GRM7: variants seen among roughly 807,000 people sequenced by gnomAD.
GRM7 encodes the protein metabotropic glutamate receptor 7.
Under a neutral mutation model 84.5 loss-of-function variants are expected in GRM7, and 35 were observed. The observed-to-expected ratio is 0.41, with a 90% confidence interval of 0.32 to 0.55. GRM7 has a LOEUF of 0.55. Among genes scored for constraint, GRM7 ranks in the 20% least tolerant of loss-of-function variants. The pLI is 0.19. For synonymous variants in GRM7, 487 were observed against 455.1 expected (o/e 1.07, Z -0.89); for missense variants, 1,003 against 1,194.6 (o/e 0.84, Z 2.36).
chr3:7,429,244 A>C (rs1363746153), intron 5 of GRM7, among the ~76,000 whole-genome samples: 1 of 152,118 alleles, frequency 6.6e-6, no homozygotes, highest in Non-Finnish European at 1.5e-5. Context: ...TAAATGAGTT[A>C]CTACATGTAA....
chr3:7,197,929 G>A (rs1695933577), intron 2 of GRM7, among the ~76,000 whole-genome samples: 2 of 152,036 alleles, frequency 1.3e-5, no homozygotes, highest in Non-Finnish European at 2.9e-5. Flanking sequence ...AAAATATGGT[G>A]GAAGTTAAAG....
intron 1 of GRM7, among the ~76,000 whole-genome samples, chr3:6,891,879 A>G (rs9857111): frequency 0.31 from 47,197 of 151,982 alleles, 8,481 homozygotes; most frequent in African/African-American, 0.5. Flanking sequence ...CCAATCAGAC[A>G]TAGATTTGGT....
At chr3:7,708,871 A>G (rs1007270443) in intron 9 of GRM7, among the ~76,000 whole-genome samples, 1 of 151,714 alleles carries the variant, frequency 6.6e-6, no homozygotes, top group Non-Finnish European at 1.5e-5. Context: ...AAATATAAAC[A>G]AATATAAAAA....
intron 1 of GRM7, among the ~76,000 whole-genome samples, chr3:6,904,659 T>C (rs925315279): frequency 6.6e-6 from 1 of 152,140 alleles, no homozygotes; most frequent in African/African-American, 2.4e-5. Context: ...ATCTGTTTAG[T>C]TGCATTTTCC....
At chr3:7,402,476 T>TC (rs1695492345) in intron 4 of GRM7, among the ~76,000 whole-genome samples, 1 of 152,172 alleles carries the variant, frequency 6.6e-6, no homozygotes, top group African/African-American at 2.4e-5. Flanking sequence ...TTGAACTTGA[T>TC]CCTGCATGAA....
intron 2 of GRM7, among the ~76,000 whole-genome samples, chr3:7,273,225 G>C (rs1359780242): frequency 5.6e-4 from 1 of 1,786 alleles, no homozygotes; most frequent in Non-Finnish European, 1.0e-3. Context: ...GACATTGTAT[G>C]ATTTCTAATT....
At chr3:7,313,613 T>C (rs1053243847) in intron 4 of GRM7, among the ~76,000 whole-genome samples, 30 of 152,182 alleles carry the variant, frequency 2.0e-4, no homozygotes, top group African/African-American at 6.5e-4. Flanking sequence ...AAATGATGAT[T>C]TTTTTAAAAA....
At chr3:7,187,621 C>CA (rs150749086) in intron 2 of GRM7, among the ~76,000 whole-genome samples, 8,708 of 152,090 alleles carry the variant, frequency 0.057, 671 homozygotes, top group African/African-American at 0.18. Flanking sequence ...ACCCCATAGA[C>CA]AGAAAGTAGC....
chr3:6,942,099 C>T (rs942267451), intron 1 of GRM7, among the ~76,000 whole-genome samples: 3 of 151,794 alleles, frequency 2.0e-5, no homozygotes, highest in Non-Finnish European at 4.4e-5. Flanking sequence ...TTATCAAATG[C>T]TTTGGATAGA....
chr3:6,930,531 A>C (rs1479193921), intron 1 of GRM7, among the ~76,000 whole-genome samples: 1 of 152,148 alleles, frequency 6.6e-6, no homozygotes, highest in Admixed American at 6.6e-5. Context: ...TGATTTTTTT[A>C]ATCTTAATAA....
At chr3:7,466,436 A>T (rs1559342741) in intron 7 of GRM7, among the ~76,000 whole-genome samples, 1 of 152,232 alleles carries the variant, frequency 6.6e-6, no homozygotes, top group Admixed American at 6.5e-5. Context: ...TTTAAAAATT[A>T]GGGTAGGAGT....
chr3:7,638,146 C>T (rs1401030361), intron 8 of GRM7, among the ~76,000 whole-genome samples: 1 of 151,768 alleles, frequency 6.6e-6, no homozygotes, highest in African/African-American at 2.4e-5. Flanking sequence ...TTTAATAGGC[C>T]CACAGTGTTT....
intron 2 of GRM7, among the ~76,000 whole-genome samples, chr3:7,229,362 C>A (rs970778642): frequency 2.0e-5 from 3 of 151,886 alleles, no homozygotes; most frequent in Non-Finnish European, 4.4e-5. Context: ...CCCTATGAGG[C>A]TCTTTTATTA....
chr3:7,543,340 G>T (rs895161788), intron 7 of GRM7, among the ~76,000 whole-genome samples: 1 of 152,236 alleles, frequency 6.6e-6, no homozygotes, highest in African/African-American at 2.4e-5. Flanking sequence ...GGGCACAAGT[G>T]GTGGTGGAGA....
intron 7 of GRM7, among the ~76,000 whole-genome samples, chr3:7,528,967 A>G (rs1156356844): frequency 6.6e-6 from 1 of 152,052 alleles, no homozygotes; most frequent in East Asian, 1.9e-4. Context: ...TTCATGTGCA[A>G]GTGGGAAGAA....
intron 2 of GRM7, among the ~76,000 whole-genome samples, chr3:7,181,576 A>G (rs1335135120): frequency 6.6e-6 from 1 of 152,132 alleles, no homozygotes. Context: ...ATAATATTTT[A>G]GAAACACTAT....
At chr3:6,996,261 G>T (rs1348104289) in intron 1 of GRM7, among the ~76,000 whole-genome samples, 1 of 152,068 alleles carries the variant, frequency 6.6e-6, no homozygotes, top group African/African-American at 2.4e-5. Flanking sequence ...TGTTTGCCAG[G>T]ATGATCTCGA....
intron 1 of GRM7, among the ~76,000 whole-genome samples, chr3:6,942,741 G>A (rs1559342184): frequency 6.6e-6 from 1 of 151,998 alleles, no homozygotes; most frequent in Admixed American, 6.6e-5. Flanking sequence ...TTTCTCTTCA[G>A]TAAATACCTG....
chr3:6,934,465 A>G (rs1697617986), intron 1 of GRM7, among the ~76,000 whole-genome samples: 2 of 152,224 alleles, frequency 1.3e-5, no homozygotes, highest in African/African-American at 4.8e-5. Flanking sequence ...ACTAGAGAGT[A>G]TATCATTACA....
Sources: allele counts gnomAD v4.1 joint callset (sites outside exome capture counted in the v4.1 genomes callset), GRCh38; gene constraint gnomAD v4.1.1; transcripts MANE v1.5; gene names NCBI Gene and HGNC (gene_info 2026-07-23, HGNC 2026-07-21).